The following CATSPERE variants were observed in gnomAD, a reference collection of about 807,000 sequenced individuals.
The protein encoded by CATSPERE is catsper channel auxiliary subunit epsilon, also known as cation channel sperm-associated auxiliary subunit epsilon.
A neutral mutation model predicts 114.1 loss-of-function variants in CATSPERE; 93 were observed. The ratio of observed to expected loss-of-function variants is 0.81; its 90% confidence interval spans 0.69 to 0.97. CATSPERE has a LOEUF of 0.97. Ranked by LOEUF, CATSPERE falls within the 50% of genes least tolerant of loss-of-function variation. The pLI is 0.00. For synonymous variants in CATSPERE, 341 were observed against 384.1 expected, an observed-to-expected ratio of 0.89 and a Z score of 1.31; for missense variants, 1,058 against 1,131.6, an observed-to-expected ratio of 0.93 and a Z score of 0.93.
At chr1:244,488,200 G>C (rs1441714880) in intron 5 of CATSPERE, among the ~76,000 whole-genome samples, 3 of 152,216 alleles carry the variant, frequency 2.0e-5, no homozygotes. Context: ...TGAAACTGCT[G>C]TGGCAAAGTC....
At chr1:244,610,151 T>C in intron 18 of CATSPERE, 89 bp from the exon 19 acceptor site, 1 of 830,794 alleles carries the variant, frequency 1.2e-6, no homozygotes, top group Non-Finnish European at 1.9e-6. Flanking sequence ...AAATACAAAA[T>C]TTTCAATAGC....
At chr1:244,622,367 TCCTAGCAGAATAA>T (rs1672497962) in intron 20 of CATSPERE, among the ~76,000 whole-genome samples, 1 of 152,060 alleles carries the variant, frequency 6.6e-6, no homozygotes, top group East Asian at 1.9e-4. Context: ...CAGGTTTATT[TCCTAGCAGAATAA>T]CCTTAATTTT....
At chr1:244,637,986 A>G (rs981960182) in intron 21 of CATSPERE, among the ~76,000 whole-genome samples, 3 of 152,188 alleles carry the variant, frequency 2.0e-5, no homozygotes, top group Non-Finnish European at 4.4e-5. Flanking sequence ...TTTAAATATA[A>G]TTCTTCCACC....
intron 15 of CATSPERE, among the ~76,000 whole-genome samples, chr1:244,593,061 T>C (rs1377069269): frequency 9.2e-5 from 14 of 152,222 alleles, no homozygotes; most frequent in Non-Finnish European, 1.5e-5. Flanking sequence ...CTGTTAATAT[T>C]CTGGGAAGAA....
At chr1:244,477,763 G>A (rs1572285470) in intron 3 of CATSPERE, 143 bp from the exon 4 acceptor site, 9 of 915,648 alleles carry the variant, frequency 9.8e-6, no homozygotes, top group South Asian at 1.7e-5. Context: ...GTCGAATATA[G>A]TATAGAAGTA....
chr1:244,494,532 A>G (rs1470952414), intron 6 of CATSPERE, among the ~76,000 whole-genome samples: 6 of 151,332 alleles, frequency 4.0e-5, no homozygotes, highest in Non-Finnish European at 7.4e-5. Flanking sequence ...CAGCACACCA[A>G]CATGGCACAT....
intron 7 of CATSPERE, among the ~76,000 whole-genome samples, chr1:244,507,982 AT>A (rs1006128941): frequency 2.7e-5 from 4 of 150,566 alleles, no homozygotes; most frequent in Middle Eastern, 3.4e-3. Flanking sequence ...GAATTTTAGG[AT>A]TTTTTTTTCT....
intron 19 of CATSPERE, among the ~76,000 whole-genome samples, chr1:244,613,384 C>T (rs547149704): frequency 7.9e-5 from 12 of 152,160 alleles, no homozygotes; most frequent in South Asian, 2.1e-4. Context: ...AGGTAGACAA[C>T]GGCAAGAAAT....
chr1:244,571,976 A>T (rs1051933171), intron 10 of CATSPERE, among the ~76,000 whole-genome samples: 2 of 152,180 alleles, frequency 1.3e-5, no homozygotes, highest in Non-Finnish European at 2.9e-5. Flanking sequence ...GGGCTTCAAC[A>T]CAAGAATTTG....
intron 2 of CATSPERE, among the ~76,000 whole-genome samples, chr1:244,468,571 G>A (rs925767249): frequency 2.6e-5 from 4 of 152,182 alleles, no homozygotes; most frequent in Non-Finnish European, 5.9e-5. Flanking sequence ...TAAAGGGCAA[G>A]AGAGTAATAT....
At chr1:244,571,551 G>A (rs917995059) in intron 10 of CATSPERE, among the ~76,000 whole-genome samples, 1 of 152,194 alleles carries the variant, frequency 6.6e-6, no homozygotes, top group African/African-American at 2.4e-5. Context: ...TCTGCTATGA[G>A]TGAACCTGCA....
At chr1:244,623,211 G>T (rs973133569) in intron 20 of CATSPERE, among the ~76,000 whole-genome samples, 9 of 152,148 alleles carry the variant, frequency 5.9e-5, no homozygotes, top group African/African-American at 2.2e-4. Context: ...CCGAGTAGCT[G>T]AGACTACAGG....
At chr1:244,636,104 T>G (rs576058635) in intron 21 of CATSPERE, among the ~76,000 whole-genome samples, 1 of 152,322 alleles carries the variant, frequency 6.6e-6, no homozygotes, top group African/African-American at 2.4e-5. Context: ...GCTCTAAGCC[T>G]GGGTCAGCTT....
chr1:244,482,410 T>G (rs186275797), intron 5 of CATSPERE, among the ~76,000 whole-genome samples: 38 of 152,218 alleles, frequency 2.5e-4, no homozygotes, highest in African/African-American at 9.1e-4. Flanking sequence ...AAGACCATCC[T>G]GGGAAACATA....
At chr1:244,546,593 A>C (rs1237997485) in intron 8 of CATSPERE, among the ~76,000 whole-genome samples, 1 of 152,250 alleles carries the variant, frequency 6.6e-6, no homozygotes, top group African/African-American at 2.4e-5. Flanking sequence ...AAACAGTTCA[A>C]CAAAATGAGA....
chr1:244,595,655 G>T (rs1359230470), intron 17 of CATSPERE, among the ~76,000 whole-genome samples: 1 of 152,190 alleles, frequency 6.6e-6, no homozygotes, highest in Non-Finnish European at 1.5e-5. Context: ...CTTTAGGCTG[G>T]GCACAGTGGC....
intron 3 of CATSPERE, 68 bp from the exon 4 acceptor site, chr1:244,477,838 A>G (rs1669611113): frequency 3.1e-6 from 4 of 1,300,342 alleles, no homozygotes; most frequent in Non-Finnish European, 4.3e-6. Context: ...GGCTTAAAAA[A>G]TAGTAAGGGA....
intron 20 of CATSPERE, among the ~76,000 whole-genome samples, chr1:244,627,301 T>A (rs964068853): frequency 6.6e-6 from 1 of 151,996 alleles, no homozygotes; most frequent in Non-Finnish European, 1.5e-5. Flanking sequence ...ATAACAGATA[T>A]AATAATAGTG....
At chr1:244,538,249 G>A (rs1025333895) in intron 8 of CATSPERE, among the ~76,000 whole-genome samples, 2 of 152,138 alleles carry the variant, frequency 1.3e-5, no homozygotes, top group Non-Finnish European at 2.9e-5. Flanking sequence ...GGCAGATTAA[G>A]TACGTTTATT....
Sources: gnomAD v4.1 joint callset for allele counts (sites outside exome capture counted in the v4.1 genomes callset) on GRCh38, gnomAD v4.1.1 for gene constraint, MANE v1.5 for transcripts, NCBI Gene and HGNC (gene_info 2026-07-23, HGNC 2026-07-21) for gene names.